The following GPR158 variants were observed in gnomAD, a reference collection of about 807,000 sequenced individuals.
The protein encoded by GPR158 is metabotropic glycine receptor.
Under a neutral mutation model 78.2 loss-of-function variants are expected in GPR158, and 30 were observed. That is an observed-to-expected ratio of 0.38 (90% confidence interval 0.29 to 0.52). The LOEUF (loss-of-function observed/expected upper bound fraction) is 0.52, where lower values mean the gene tolerates loss of function less well. Among genes scored for constraint, GPR158 ranks in the 20% least tolerant of loss-of-function variants. The pLI is 0.83. For synonymous variants in GPR158, 581 were observed against 591.1 expected (o/e 0.98, Z 0.25); for missense variants, 1,463 against 1,523.5 (o/e 0.96, Z 0.66).
chr10:25,204,962 T>C (rs1050234262), intron 1 of GPR158, among the ~76,000 whole-genome samples: 1 of 151,946 alleles, frequency 6.6e-6, no homozygotes, highest in Non-Finnish European at 1.5e-5. Flanking sequence ...TGGGAGATAA[T>C]TGAATCATGG....
Position 25,572,806 on chromosome 10 carries a change from C to T in GPR158, c.1672C>T (p.Leu558Phe). The T allele has an allele frequency of 6.2e-7, 1 of 1,613,906 alleles. No individual in the cohort carries two copies. Among genetic ancestry groups the T allele is most frequent in the Non-Finnish European group, 8.5e-7 (1 of 1,179,842 alleles). ...CCAGAATTTGGAGAAACAGATTTCA[C>T]TTATTGGCCAGGGGAAAACATCCGA... ...VCQNLEKQISLIGQGKTSDHL... is the reference protein window; with the variant it reads ...VCQNLEKQISFIGQGKTSDHL... Residue 558 changes from leucine (L) to phenylalanine (F), a missense_variant, in exon 7 of 11, where the codon CTT becomes TTT. By Grantham distance (22) the Leu-to-Phe change is conservative. Coordinates refer to ENST00000376351, the MANE Select transcript of GPR158 (RefSeq NM_020752.3).
chr10:25,322,161 C>T (rs150678995), intron 2 of GPR158, among the ~76,000 whole-genome samples: 1,578 of 152,130 alleles, frequency 0.01, 36 homozygotes, highest in African/African-American at 0.037. Context: ...GCGGGCAGAT[C>T]GCAAGGTCAG....
intron 2 of GPR158, among the ~76,000 whole-genome samples, chr10:25,227,305 G>A (rs1853387606): frequency 6.6e-6 from 1 of 152,160 alleles, no homozygotes; most frequent in Non-Finnish European, 1.5e-5. Flanking sequence ...AAGAGAGAGA[G>A]AAAATCTGTA....
At chr10:25,476,384 G>GTTT (rs56271781) in intron 5 of GPR158, among the ~76,000 whole-genome samples, 7 of 144,440 alleles carry the variant, frequency 4.8e-5, no homozygotes, top group Admixed American at 6.9e-5. Context: ...TTTAATAAGG[G>GTTT]TTTTTTTTTT....
intron 7 of GPR158, among the ~76,000 whole-genome samples, chr10:25,582,188 C>T (rs542026630): frequency 6.6e-6 from 1 of 152,250 alleles, no homozygotes; most frequent in South Asian, 2.1e-4. Flanking sequence ...GGGACACAGC[C>T]AAACCATATC....
chr10:25,375,549 A>G (rs995990776), intron 2 of GPR158, among the ~76,000 whole-genome samples: 1 of 151,564 alleles, frequency 6.6e-6, no homozygotes, highest in Non-Finnish European at 1.5e-5. Context: ...ATAGTATCAC[A>G]TAAGATGTGA....
At chr10:25,363,016 C>T (rs916797391) in intron 2 of GPR158, among the ~76,000 whole-genome samples, 1 of 151,700 alleles carries the variant, frequency 6.6e-6, no homozygotes, top group Admixed American at 6.6e-5. Flanking sequence ...TGTTTTTTTA[C>T]ATCATTTTTT....
At chr10:25,196,057 T>G (rs1232781715) in intron 1 of GPR158, among the ~76,000 whole-genome samples, 1 of 152,110 alleles carries the variant, frequency 6.6e-6, no homozygotes, top group African/African-American at 2.4e-5. Flanking sequence ...TTTTATTGAT[T>G]ACACTTGCCA....
At chr10:25,444,544 G>A (rs12261086) in intron 4 of GPR158, among the ~76,000 whole-genome samples, 65,848 of 150,676 alleles carry the variant, frequency 0.44, 15,219 homozygotes, top group African/African-American at 0.56. Context: ...TGTGTGTGTG[G>A]TGTGTGTGGA....
chr10:25,496,902 A>AT (rs1275981684), intron 5 of GPR158, among the ~76,000 whole-genome samples: 2 of 152,208 alleles, frequency 1.3e-5, no homozygotes, highest in Non-Finnish European at 2.9e-5. Context: ...CTCAGTTGCC[A>AT]AATGGATAGT....
chr10:25,550,694 G>A (rs962428523), intron 5 of GPR158, among the ~76,000 whole-genome samples: 11 of 152,092 alleles, frequency 7.2e-5, no homozygotes, highest in African/African-American at 2.4e-4. Context: ...TTGGTGTGCT[G>A]CACCCATTAA....
rs770367800 is a variant in GPR158 at position 25,598,474 on chromosome 10, AAC to A, written c.2852_2853del (p.Thr951ArgfsTer3). On this transcript the variant is annotated frameshift_variant, in exon 11 of 11. Coordinates refer to ENST00000376351, the MANE Select transcript of GPR158 (RefSeq NM_020752.3). LOFTEE classifies it low-confidence loss of function (END_TRUNC). ...ETNRNHSNSD[N>X]TETKDPAPQN... ...AAACAGAAATCACTCAAATTCTGAT[AAC>A]ACAGAGACTAAAGATCCTGCCCCCC... The A allele has an allele frequency of 1.9e-6, 3 of 1,614,130 alleles. No homozygotes were observed. The highest frequency in any genetic ancestry group is 2.5e-6 in the Non-Finnish European group (3 of 1,180,024).
Position 25,596,802 on chromosome 10 carries a change from CTCTA to C in GPR158, c.2145+17_2145+20del, listed in dbSNP as rs750255806. 21 of 1,607,606 alleles carry C rather than the reference CTCTA, an allele frequency of 1.3e-5. No homozygotes were observed. The African/African-American group carries it at 1.9e-4, about 14-fold the overall frequency. On this transcript the variant is annotated intron_variant, in intron 10 of 10. Transcript: ENST00000376351. Reference sequence around the variant, plus strand: ...AGAGGACATTCGGGTAATGCCAGTACTCTATCTTTCTTCCTATTTCAGATTAGCC... The same window carrying C: ...AGAGGACATTCGGGTAATGCCAGTACTCTTTCTTCCTATTTCAGATTAGCC...
At chr10:25,472,952 C>G (rs1835529620) in intron 5 of GPR158, among the ~76,000 whole-genome samples, 5 of 152,058 alleles carry the variant, frequency 3.3e-5, no homozygotes, top group Admixed American at 3.3e-4. Context: ...TTATTTCCTT[C>G]TCCTGCCTGA....
At chr10:25,483,698 T>A (rs1486770967) in intron 5 of GPR158, among the ~76,000 whole-genome samples, 1 of 152,210 alleles carries the variant, frequency 6.6e-6, no homozygotes, top group Non-Finnish European at 1.5e-5. Context: ...AAAATATTTG[T>A]TAAATAATGA....
At chr10:25,224,033 A>C (rs1853338388) in intron 2 of GPR158, among the ~76,000 whole-genome samples, 1 of 152,298 alleles carries the variant, frequency 6.6e-6, no homozygotes, top group East Asian at 1.9e-4. Context: ...CCTCAGGAGC[A>C]TTTTAGAAAG....
intron 2 of GPR158, among the ~76,000 whole-genome samples, chr10:25,228,480 A>G (rs552263730): frequency 6.6e-6 from 1 of 152,294 alleles, no homozygotes; most frequent in South Asian, 2.1e-4. Context: ...GCTCCTTAAA[A>G]TGAATACTGT....
chr10:25,578,757 C>T (rs746077198), intron 7 of GPR158, among the ~76,000 whole-genome samples: 13 of 152,122 alleles, frequency 8.5e-5, no homozygotes, highest in Non-Finnish European at 1.3e-4. Context: ...CCTGTAATCC[C>T]AGCACTTTGG....
At chr10:25,591,869 T>C (rs1057065025) in intron 8 of GPR158, among the ~76,000 whole-genome samples, 12 of 152,078 alleles carry the variant, frequency 7.9e-5, no homozygotes, top group African/African-American at 2.9e-4. Flanking sequence ...GGAATTGTAG[T>C]TTAATACAGT....
Sources: allele counts gnomAD v4.1 joint callset (sites outside exome capture counted in the v4.1 genomes callset), GRCh38; gene constraint gnomAD v4.1.1; transcripts MANE v1.5; gene names NCBI Gene and HGNC (gene_info 2026-07-23, HGNC 2026-07-21).